Variants in ART3 observed in about 807,000 individuals in gnomAD.
ART3 encodes the protein ecto-ADP-ribosyltransferase 3.
Under a neutral mutation model 48.5 loss-of-function variants are expected in ART3, and 49 were observed. That is an observed-to-expected ratio of 1.01 (90% CI 0.80 to 1.28). The LOEUF is 1.28. Ranked by LOEUF, ART3 falls within the 50% of genes most tolerant of loss-of-function variation. The probability of loss-of-function intolerance (pLI) is 0.00; values close to 1 mark genes in which losing one functional copy is unlikely to be tolerated. For missense variants in ART3, 438 were observed against 454.3 expected, an observed-to-expected ratio of 0.96 and a Z score of 0.33; for synonymous variants, 145 against 157.2, an observed-to-expected ratio of 0.92 and a Z score of 0.58.
chr4:76,041,058 G>A (rs1436815749), intron 1 of ART3: 1 of 152,184 alleles, frequency 6.6e-6, no homozygotes, highest in Non-Finnish European at 1.5e-5. Context: ...TTAGATGTCT[G>A]TCACATGTCT....
chr4:76,078,950 G>C (rs373280749), intron 2 of ART3, among the ~76,000 whole-genome samples: 2 of 152,072 alleles, frequency 1.3e-5, no homozygotes, highest in African/African-American at 4.8e-5. Context: ...GCGTGGTGGC[G>C]GGCGTCTGTA....
chr4:76,053,030 G>A (rs577886223), intron 1 of ART3, among the ~76,000 whole-genome samples: 30 of 152,252 alleles, frequency 2.0e-4, no homozygotes, highest in African/African-American at 2.6e-4. Flanking sequence ...CACCCAGCTG[G>A]TGTGTACCAA....
intron 1 of ART3, among the ~76,000 whole-genome samples, chr4:76,067,454 T>C (rs55975346): frequency 6.7e-6 from 1 of 149,774 alleles, no homozygotes; most frequent in African/African-American, 2.4e-5. Context: ...TTAGCAAACA[T>C]TTTCCCAAAA....
intron 6 of ART3, 28 bp downstream of exon 6, chr4:76,100,348 C>T: frequency 6.2e-7 from 1 of 1,609,482 alleles, no homozygotes; most frequent in African/African-American, 1.3e-5. Flanking sequence ...ATTCTGGGGG[C>T]TTGGCCAGGC....
rs772780094 is a variant in ART3, at chr4:76,075,916, C to T, written c.27C>T (p.Val9=). MKTGHFEI[V]TMLLATMILV... The stretch of plus-strand genomic sequence containing the variant: ...TGAAGACGGGACATTTTGAAATAGT[C>T]ACCATGCTGCTGGCAACCATGATTC... The change falls in exon 2 of 12, where the codon GTC becomes GTT. Residue 9 remains valine (V), a synonymous_variant. Coordinates refer to ENST00000355810, the MANE Select transcript of ART3 (RefSeq NM_001130016.3). 6.2e-7 allele frequency: 1 copy of T among 1,612,620 alleles called. No homozygotes were observed. Among genetic ancestry groups the T allele is most frequent in the South Asian group, 1.1e-5 (1 of 90,902 alleles).
intron 1 of ART3, among the ~76,000 whole-genome samples, chr4:76,031,882 A>T (rs1330887172): frequency 6.6e-6 from 1 of 152,180 alleles, no homozygotes; most frequent in East Asian, 1.9e-4. Flanking sequence ...GGAAAAATAG[A>T]GAGTGTTATG....
chr4:76,102,965 G>A lies in ART3; in HGVS notation c.938-972G>A, dbSNP rs148958861. Among the ~76,000 whole-genome samples, 378 of 152,196 alleles carry A rather than the reference G, an allele frequency of 2.5e-3. 2 individuals are homozygous for A. The highest frequency in any genetic ancestry group is 8.8e-3 in the African/African-American group (364 of 41,532). ...TCACTAGCCTTAGTTCTTATCATCA[G>A]TTAGGCTCCAGTGGGTTAAATCTCT... On this transcript the variant is annotated intron_variant, in intron 8 of 11. Coordinates refer to ENST00000355810, the MANE Select transcript of ART3 (RefSeq NM_001130016.3).
chr4:76,088,965 A>G (rs186539127), intron 3 of ART3, among the ~76,000 whole-genome samples: 52 of 152,292 alleles, frequency 3.4e-4, no homozygotes, highest in Admixed American at 9.8e-4. Flanking sequence ...CTTTTTAGCA[A>G]TTGTTGTAAT....
At chr4:76,064,856 G>A (rs1719565295) in intron 1 of ART3, among the ~76,000 whole-genome samples, 1 of 146,996 alleles carries the variant, frequency 6.8e-6, no homozygotes. Flanking sequence ...TTTTGAGACA[G>A]GGTCTCACTC....
upstream of ART3, among the ~76,000 whole-genome samples, chr4:76,071,857 A>T (rs1165410855): frequency 6.6e-6 from 1 of 152,202 alleles, no homozygotes; most frequent in East Asian, 1.9e-4. Context: ...GTTTGTCAGT[A>T]CATCCTATTG....
intron 1 of ART3, chr4:76,022,839 A>G: frequency 6.2e-7 from 1 of 1,602,310 alleles, no homozygotes; most frequent in Non-Finnish European, 8.5e-7. Flanking sequence ...GAGGAACAGC[A>G]GAGAAGGTTA....
intron 1 of ART3, chr4:76,036,809 G>C: frequency 4.0e-6 from 1 of 250,986 alleles, no homozygotes; most frequent in South Asian, 6.2e-5. Flanking sequence ...AGCTCCTCCT[G>C]CCTTCTCTTG....
At chr4:76,050,490 C>T (rs1013725783) in intron 1 of ART3, among the ~76,000 whole-genome samples, 2 of 152,126 alleles carry the variant, frequency 1.3e-5, no homozygotes, top group Admixed American at 6.5e-5. Context: ...TATTTACAAA[C>T]CTTGAGCTAG....
chr4:76,047,906 C>G (rs1326191100), intron 1 of ART3, among the ~76,000 whole-genome samples: 1 of 151,970 alleles, frequency 6.6e-6, no homozygotes, highest in East Asian at 1.9e-4. Flanking sequence ...GTGTACCTCT[C>G]AGGATCATCT....
At chr4:76,027,177 C>G (rs1472100244) in intron 1 of ART3, among the ~76,000 whole-genome samples, 2 of 152,084 alleles carry the variant, frequency 1.3e-5, no homozygotes, top group African/African-American at 2.4e-5. Flanking sequence ...CACTTGAACC[C>G]TGGAGACGGA....
chr4:76,044,432 A>T (rs1324596269), intron 1 of ART3, among the ~76,000 whole-genome samples: 1 of 152,000 alleles, frequency 6.6e-6, no homozygotes, highest in African/African-American at 2.4e-5. Flanking sequence ...GTAAGAATAG[A>T]TTTCGTTATT....
intron 1 of ART3, among the ~76,000 whole-genome samples, chr4:76,028,595 G>C (rs1255850727): frequency 1.3e-5 from 2 of 152,210 alleles, no homozygotes; most frequent in African/African-American, 4.8e-5. Context: ...TGATTTCTGT[G>C]GACTGGGAAT....
chr4:76,036,719 A>G, intron 1 of ART3: 1 of 176,506 alleles, frequency 5.7e-6, no homozygotes. Context: ...TTATTCTGCA[A>G]AGCTTTCATT....
rs1000236810 is a variant in ART3 at position 76,062,840 on chromosome 4, G to A, written c.-9-13041G>A. On this transcript the variant is annotated intron_variant, in intron 1 of 9. Coordinates refer to the ART3 transcript ENST00000341029. Reference sequence around the variant, plus strand: ...CTCCCAAAGTGCTGGGATTACAAGTGTGAGCCACCGAGCCCGGCCCCAAGT... The same window carrying A: ...CTCCCAAAGTGCTGGGATTACAAGTATGAGCCACCGAGCCCGGCCCCAAGT... 5.9e-5 allele frequency among the ~76,000 whole-genome samples: 9 copies of A among 152,144 alleles called. 1 individual carries two copies. The South Asian group carries it at 1.5e-3, about 25-fold the overall frequency.
Sources: allele counts gnomAD v4.1 joint callset (sites outside exome capture counted in the v4.1 genomes callset), GRCh38; gene constraint gnomAD v4.1.1; transcripts MANE v1.5; gene names NCBI Gene and HGNC (gene_info 2026-07-23, HGNC 2026-07-21).